PRKN: variants seen among roughly 807,000 people sequenced by gnomAD.
PRKN encodes the protein parkin RBR E3 ubiquitin protein ligase.
A neutral mutation model predicts 59.5 loss-of-function variants in PRKN; 56 were observed. That is an observed-to-expected ratio of 0.94 (90% CI 0.76 to 1.18). PRKN has a LOEUF of 1.18. PRKN is among the 50% of genes most tolerant of loss of function. The pLI is 0.00. For synonymous variants in PRKN, 250 were observed against 222.1 expected (o/e 1.13, Z -1.12); for missense variants, 657 against 596.4 (o/e 1.10, Z -1.06).
chr6:162,238,193 T>C (rs1778824903), intron 3 of PRKN, among the ~76,000 whole-genome samples: 2 of 152,220 alleles, frequency 1.3e-5, no homozygotes, highest in Admixed American at 1.3e-4. Context: ...TGGTATTTTG[T>C]ATTTTACCCT....
intron 4 of PRKN, among the ~76,000 whole-genome samples, chr6:162,156,480 A>G (rs906570484): frequency 2.6e-5 from 4 of 152,202 alleles, no homozygotes. Flanking sequence ...CCCCTGGCAA[A>G]TCACAGATGT....
intron 1 of PRKN, among the ~76,000 whole-genome samples, chr6:162,633,403 C>T (rs1777588126): frequency 8.5e-6 from 1 of 118,232 alleles, no homozygotes. Context: ...CCACTGCATT[C>T]CAGCCTAGGT....
intron 4 of PRKN, among the ~76,000 whole-genome samples, chr6:162,144,883 G>A (rs917251738): frequency 8.5e-5 from 13 of 152,066 alleles, no homozygotes; most frequent in South Asian, 2.1e-4. Context: ...GGAGTGAAAC[G>A]ACGAGGATGA....
At chr6:162,273,228 T>C (rs924702922) in intron 2 of PRKN, among the ~76,000 whole-genome samples, 1 of 152,046 alleles carries the variant, frequency 6.6e-6, no homozygotes, top group African/African-American at 2.4e-5. Flanking sequence ...TGGTTACCTA[T>C]GAGGGAGTAG....
At chr6:162,339,515 G>T (rs1248886178) in intron 2 of PRKN, among the ~76,000 whole-genome samples, 2 of 131,530 alleles carry the variant, frequency 1.5e-5, no homozygotes, top group African/African-American at 5.5e-5. Flanking sequence ...GGAGGGAGGT[G>T]GGGGGGTCAG....
chr6:161,711,869 C>T (rs1402712446), intron 7 of PRKN, among the ~76,000 whole-genome samples: 1 of 152,134 alleles, frequency 6.6e-6, no homozygotes, highest in African/African-American at 2.4e-5. Flanking sequence ...GGACTTAAAC[C>T]AGTGGTTTGC....
rs771060453 is a variant in PRKN at position 161,379,703 on chromosome 6, T to C, written c.1167+7091A>G. 1.6e-4 allele frequency among the ~76,000 whole-genome samples: 24 copies of C among 152,302 alleles called. No individual in the cohort carries two copies. The highest frequency in any genetic ancestry group is 2.6e-4 in the Non-Finnish European group (18 of 68,010). ...GTAAGGCCTGACCACTCTGTGTCCA[T>C]GCACAACAACTCAGAAGGCTCATCC... is the stretch of plus-strand genomic sequence containing the variant. On this transcript the variant is annotated intron_variant, in intron 10 of 11. Coordinates refer to ENST00000366898, the MANE Select transcript of PRKN (RefSeq NM_004562.3). This position sits in a 1 kb window ranked among gnomAD's most constrained non-coding sequence, Gnocchi z 4.9.
At chr6:162,407,036 T>A (rs1028478723) in intron 2 of PRKN, among the ~76,000 whole-genome samples, 3 of 152,146 alleles carry the variant, frequency 2.0e-5, no homozygotes, top group African/African-American at 7.2e-5. Context: ...AGTTACTAGA[T>A]CATGTGATCT....
intron 2 of PRKN, among the ~76,000 whole-genome samples, chr6:162,305,308 G>A (rs1366098739): frequency 6.6e-6 from 1 of 152,072 alleles, no homozygotes; most frequent in East Asian, 1.9e-4. Context: ...ACCTCGAAAA[G>A]TTAATATTAT....
intron 2 of PRKN, among the ~76,000 whole-genome samples, chr6:162,341,555 C>T (rs1392088429): frequency 6.6e-6 from 1 of 152,150 alleles, no homozygotes; most frequent in Non-Finnish European, 1.5e-5. Flanking sequence ...GGCACATATA[C>T]ACTGTGGAAT....
At chr6:162,009,487 T>A (rs1425539187) in intron 5 of PRKN, among the ~76,000 whole-genome samples, 2 of 151,806 alleles carry the variant, frequency 1.3e-5, no homozygotes, top group African/African-American at 4.9e-5. Context: ...TATTCTTCAA[T>A]AACTTATGGC....
At chr6:161,919,309 ACT>A in intron 6 of PRKN, among the ~76,000 whole-genome samples, 1 of 152,236 alleles carries the variant, frequency 6.6e-6, no homozygotes, top group African/African-American at 2.4e-5. Context: ...AAAAGACAAA[ACT>A]CTATAAGCAG....
intron 9 of PRKN, among the ~76,000 whole-genome samples, chr6:161,435,581 T>C (rs992266238): frequency 2.0e-5 from 3 of 151,970 alleles, no homozygotes; most frequent in Non-Finnish European, 4.4e-5. Context: ...GTTTTACCAT[T>C]GCAGAAATGG....
In PRKN at chr6:161,648,539, C is replaced by A. The variant is rs377514580; in HGVS notation, c.872-79123G>T. Among the ~76,000 whole-genome samples, 14 of 152,296 alleles carry A rather than the reference C, an allele frequency of 9.2e-5. No individual in the cohort carries two copies. In the South Asian group the frequency reaches 2.9e-3, roughly 32 times the overall value. Reference sequence around the variant, plus strand: ...TAGTTCTTAATTGCCAATGTGGATTCTCATAAAATTAAACAGTATTATTCT... The same window carrying A: ...TAGTTCTTAATTGCCAATGTGGATTATCATAAAATTAAACAGTATTATTCT... On this transcript the variant is annotated intron_variant, in intron 7 of 11. Coordinates refer to ENST00000366898, the MANE Select transcript of PRKN (RefSeq NM_004562.3).
intron 10 of PRKN, among the ~76,000 whole-genome samples, chr6:161,370,887 G>A (rs975000872): frequency 1.3e-5 from 2 of 152,124 alleles, no homozygotes; most frequent in Non-Finnish European, 2.9e-5. Context: ...TCTCATCAAC[G>A]CTCGCCTCTC....
intron 4 of PRKN, among the ~76,000 whole-genome samples, chr6:162,100,123 C>T (rs1779906774): frequency 6.6e-6 from 1 of 152,156 alleles, no homozygotes; most frequent in Non-Finnish European, 1.5e-5. Flanking sequence ...TTAAAAGGTC[C>T]TATGGTATCT....
intron 2 of PRKN, among the ~76,000 whole-genome samples, chr6:162,366,929 T>C (rs1785471724): frequency 6.6e-6 from 1 of 152,120 alleles, no homozygotes; most frequent in Non-Finnish European, 1.5e-5. Flanking sequence ...AAAATTAAAA[T>C]GTTTATTCCC....
intron 6 of PRKN, among the ~76,000 whole-genome samples, chr6:161,968,489 C>T (rs1780671741): frequency 6.6e-6 from 1 of 152,098 alleles, no homozygotes; most frequent in South Asian, 2.1e-4. Context: ...TCTCCACGGT[C>T]CCCTTGACAA....
intron 4 of PRKN, among the ~76,000 whole-genome samples, chr6:162,183,403 G>A (rs1783885257): frequency 6.6e-6 from 1 of 152,108 alleles, no homozygotes; most frequent in South Asian, 2.1e-4. Flanking sequence ...ATCTTCTGGT[G>A]GGTCTCCTTG....
Sources: gnomAD v4.1 joint callset for allele counts (sites outside exome capture counted in the v4.1 genomes callset) on GRCh38, gnomAD v4.1.1 for gene constraint, Gnocchi (gnomAD v3.1) non-coding constraint, MANE v1.5 for transcripts, NCBI Gene and HGNC (gene_info 2026-07-23, HGNC 2026-07-21) for gene names.